WDFY4: variants seen among roughly 807,000 people sequenced by gnomAD.
The protein encoded by WDFY4 is WDFY family member 4.
In WDFY4, 169 loss-of-function variants were observed where a neutral mutation model predicts 351.9. The ratio of observed to expected loss-of-function variants is 0.48; its 90% CI spans 0.42 to 0.55. The LOEUF (loss-of-function observed/expected upper bound fraction) is 0.55, where lower values mean the gene tolerates loss of function less well. Ranked by LOEUF, WDFY4 falls within the 20% of genes least tolerant of loss-of-function variation. The pLI, the probability that WDFY4 is intolerant of heterozygous loss-of-function variation, is 0.00. For missense variants in WDFY4, 3,803 were observed against 3,935.6 expected, an observed-to-expected ratio of 0.97 and a Z score of 0.90; for synonymous variants, 1,622 against 1,574.6, an observed-to-expected ratio of 1.03 and a Z score of -0.71.
In WDFY4 at chr10:48,734,015, A is replaced by C; in HGVS notation, c.1667A>C (p.Lys556Thr). Residue 556 changes from lysine to threonine, a missense_variant, in exon 10 of 62, where the codon AAA becomes ACA. This residue lies in a region of WDFY4 where 261 missense variants were observed against 330.2 expected (regional missense o/e 0.79). Transcript: ENST00000325239. ...CTGAGGATTGTAGTCACACTTCTGA[A>C]AGGCTCGGTGAGGAATGCAGGTAAG... is the stretch of plus-strand genomic sequence containing the variant. ...VMLRIVVTLLKGSVRNAVVLK... is the reference protein window; with the variant it reads ...VMLRIVVTLLTGSVRNAVVLK... 6.4e-7 allele frequency: 1 copy of C among 1,552,064 alleles called. No individual in the cohort carries two copies. The highest frequency in any genetic ancestry group is 1.2e-5 in the South Asian group (1 of 84,064).
intron 5 of WDFY4, 80 bp downstream of exon 5, chr10:48,723,647 CTT>C (rs1220377494): frequency 1.3e-6 from 2 of 1,517,106 alleles, no homozygotes; most frequent in East Asian, 4.9e-5. Flanking sequence ...CCCGTAGATG[CTT>C]TTGTCTTTCT....
Position 48,943,403 on chromosome 10 carries a change from T to A in WDFY4, c.7703T>A (p.Met2568Lys), listed in dbSNP as rs1840881947. 6.4e-6 allele frequency: 10 copies of A among 1,551,916 alleles called. No individual in the cohort carries two copies. The highest frequency in any genetic ancestry group is 1.4e-5 in the African/African-American group (1 of 73,176). ...TAAGRTCNDY[M>K]QYPVFPWVLA... ...GCTGGGAGAACCTGCAATGACTACA[T>A]GCAGTACCCAGTGTTCCCCTGGGTC... The change falls in exon 49 of 62, where the codon ATG becomes AAG. Residue 2568 changes from methionine to lysine, a missense_variant. Coordinates refer to ENST00000325239, the MANE Select transcript of WDFY4 (RefSeq NM_001394531.1).
At chr10:48,838,974 C>T (rs2068503998) in intron 39 of WDFY4, among the ~76,000 whole-genome samples, 1 of 152,128 alleles carries the variant, frequency 6.6e-6, no homozygotes, top group African/African-American at 2.4e-5. Flanking sequence ...GCACGTTGAG[C>T]CTTGGAGAAT....
chr10:48,915,888 A>G (rs1221800447), intron 47 of WDFY4, among the ~76,000 whole-genome samples: 2 of 152,192 alleles, frequency 1.3e-5, no homozygotes, highest in African/African-American at 4.8e-5. Context: ...ATTTTCGGGC[A>G]TAATTGGCTG....
At chr10:48,726,637 T>G (rs903759944) in intron 6 of WDFY4, among the ~76,000 whole-genome samples, 2 of 152,148 alleles carry the variant, frequency 1.3e-5, no homozygotes, top group Admixed American at 1.3e-4. Context: ...CTCAGGCACT[T>G]AACCATTGGG....
chr10:48,981,473 GT>G lies in WDFY4; in HGVS notation c.9484del (p.Ser3162ProfsTer86). On this transcript the variant is annotated frameshift_variant, in exon 61 of 62. Transcript: ENST00000325239. LOFTEE classifies it high-confidence loss of function. ...GCCCCGCAGTGACTGCTCTGGCCGT[GT>G]CCAGGTAAGCGCGGCCTTGTTTCTC... ...TSPAVTALAV[S>X]RNHTKLLVGD... 6.4e-7 allele frequency: 1 copy of G among 1,551,614 alleles called. No individual in the cohort carries two copies. Among genetic ancestry groups the G allele is most frequent in the Non-Finnish European group, 8.7e-7 (1 of 1,146,926 alleles).
intron 58 of WDFY4, 196 bp downstream of exon 58, chr10:48,975,237 C>T: frequency 1.4e-6 from 1 of 734,224 alleles, no homozygotes; most frequent in Non-Finnish European, 2.3e-6. Flanking sequence ...TCTTTACTTT[C>T]CTCCCTCTGG....
At chr10:48,720,793 G>T (rs1448846853) in intron 3 of WDFY4, among the ~76,000 whole-genome samples, 1 of 152,220 alleles carries the variant, frequency 6.6e-6, no homozygotes, top group African/African-American at 2.4e-5. Context: ...CTCCTGACTT[G>T]CATTCTTCCC....
At chr10:48,925,708 GGGATGATGGCA>G (rs1839511751) in intron 47 of WDFY4, among the ~76,000 whole-genome samples, 1 of 152,150 alleles carries the variant, frequency 6.6e-6, no homozygotes, top group East Asian at 1.9e-4. Context: ...AGCTGATGGA[GGGATGATGGCA>G]GGAGAGATGC....
intron 12 of WDFY4, 32 bp from the exon 13 acceptor site, chr10:48,760,315 T>C (rs1296999429): frequency 6.5e-7 from 1 of 1,541,268 alleles, no homozygotes; most frequent in East Asian, 2.4e-5. Flanking sequence ...GGAAGGTCCG[T>C]GTCTCATGTC....
At chr10:48,819,599 C>A (rs540118341) in intron 32 of WDFY4, among the ~76,000 whole-genome samples, 8 of 152,130 alleles carry the variant, frequency 5.3e-5, no homozygotes, top group Non-Finnish European at 1.2e-4. Flanking sequence ...TCCTCCTGGA[C>A]GTATCTGGGG....
intron 59 of WDFY4, among the ~76,000 whole-genome samples, chr10:48,977,773 G>A (rs901881234): frequency 2.2e-4 from 34 of 152,232 alleles, no homozygotes; most frequent in Admixed American, 1.1e-3. Context: ...TAAGCCTGGC[G>A]TGGGGCTCAC....
At chr10:48,873,722 G>C (rs1217444133) in intron 41 of WDFY4, 25 bp downstream of exon 41, 2 of 1,549,984 alleles carry the variant, frequency 1.3e-6, no homozygotes, top group Non-Finnish European at 1.7e-6. Context: ...CAGTGGGACA[G>C]TGCTGGTTCC....
At chr10:48,846,585 A>G (rs1489590445) in intron 39 of WDFY4, among the ~76,000 whole-genome samples, 2 of 152,180 alleles carry the variant, frequency 1.3e-5, no homozygotes, top group Non-Finnish European at 2.9e-5. Context: ...AGGCTTACCT[A>G]TTTTTTATGC....
At chr10:48,851,172 C>A (rs1300562758) in intron 39 of WDFY4, among the ~76,000 whole-genome samples, 2 of 152,202 alleles carry the variant, frequency 1.3e-5, no homozygotes, top group African/African-American at 4.8e-5. Flanking sequence ...CTATTCAAGT[C>A]ATCCATCTAG....
chr10:48,956,149 T>A (rs1841579477), intron 51 of WDFY4, among the ~76,000 whole-genome samples: 1 of 152,160 alleles, frequency 6.6e-6, no homozygotes. Context: ...TAGCATCAGC[T>A]GAAGAGTTTG....
intron 47 of WDFY4, chr10:48,913,441 T>C (rs762226487): frequency 1.9e-6 from 3 of 1,613,308 alleles, no homozygotes; most frequent in Non-Finnish European, 2.5e-6. Context: ...GAGATCAGAT[T>C]GGGAAAGATG....
At chr10:48,752,881 T>C (rs79881375) in intron 12 of WDFY4, among the ~76,000 whole-genome samples, 3,174 of 152,302 alleles carry the variant, frequency 0.021, 115 homozygotes, top group African/African-American at 0.072. Flanking sequence ...TTGAATTCTT[T>C]TGAATATATA....
intron 19 of WDFY4, among the ~76,000 whole-genome samples, chr10:48,781,282 G>A (rs1198790321): frequency 6.6e-6 from 1 of 151,860 alleles, no homozygotes; most frequent in Non-Finnish European, 1.5e-5. Context: ...ATATATATGT[G>A]TGTGTGTGTG....
Sources: gnomAD v4.1 joint callset for allele counts (sites outside exome capture counted in the v4.1 genomes callset) on GRCh38, gnomAD v4.1.1 for gene constraint, gnomAD v4.1.1 regional missense constraint, MANE v1.5 for transcripts, NCBI Gene and HGNC (gene_info 2026-07-23, HGNC 2026-07-21) for gene names.